The following TMEM114 variants were observed in gnomAD, a reference collection of about 807,000 sequenced individuals.
TMEM114 encodes the protein claudin-26.
In TMEM114, 6 loss-of-function variants were observed where a neutral mutation model predicts 6.2. That is an observed-to-expected ratio of 0.97 (90% CI 0.53 to 1.91). The LOEUF (loss-of-function observed/expected upper bound fraction) is 1.91, where lower values mean the gene tolerates loss of function less well. Ranked by LOEUF, TMEM114 falls within the 40% of genes most tolerant of loss-of-function variation. TMEM114 has a pLI of 0.01. For missense variants in TMEM114, 218 were observed against 158.3 expected, an observed-to-expected ratio of 1.38 and a Z score of -2.02; for synonymous variants, 104 against 73.0, an observed-to-expected ratio of 1.42 and a Z score of -2.16.
In TMEM114 at chr16:8,559,880, G is replaced by C. The variant is rs1596476272; in HGVS notation, n.213-22054C>G. ...CCATGGGGCTCTTTAGACCCCAAAG[G>C]TGAGAAGTCGGGAGCCTGGGGTGGC... On this transcript the variant is annotated intron_variant and non_coding_transcript_variant, in intron 2 of 2. Coordinates refer to the TMEM114 transcript ENST00000623677. 2.6e-5 allele frequency among the ~76,000 whole-genome samples: 4 copies of C among 152,186 alleles called. 1 individual carries two copies. The South Asian group carries it at 8.3e-4, about 32-fold the overall frequency.
Position 8,573,572 on chromosome 16 carries a change from A to T in TMEM114, c.302-1348T>A, listed in dbSNP as rs180956532. ...CAAAGAAAAAAGGGAAACAAGTGCAAAGTTTTTTTTTTATCCATCCTTCAT... is the reference window on the plus strand; with the variant it reads ...CAAAGAAAAAAGGGAAACAAGTGCATAGTTTTTTTTTTATCCATCCTTCAT... On this transcript the variant is annotated intron_variant, in intron 2 of 3. Transcript: ENST00000620492. Among the ~76,000 whole-genome samples the T allele has an allele frequency of 2.7e-4, 41 of 149,762 alleles. No homozygotes were observed. The East Asian group carries it at 7.8e-3, about 28-fold the overall frequency.
chr16:8,549,009 C>CAGCTCTACTAAAAATA (rs1900758712), intron 2 of TMEM114, among the ~76,000 whole-genome samples: 1 of 151,710 alleles, frequency 6.6e-6, no homozygotes, highest in Non-Finnish European at 1.5e-5. Flanking sequence ...AGTGAAACTC[C>CAGCTCTACTAAAAATA]AGCTCTACTA....
chr16:8,530,919 G>C, the TMEM114 span, among the ~76,000 whole-genome samples: 1 of 152,104 alleles, frequency 6.6e-6, no homozygotes, highest in Non-Finnish European at 1.5e-5. Context: ...CAGCTACTCA[G>C]TAGGCTGAGG....
At chr16:8,558,818 G>C (rs1420767485) in intron 2 of TMEM114, among the ~76,000 whole-genome samples, 1 of 150,430 alleles carries the variant, frequency 6.6e-6, no homozygotes, top group Admixed American at 6.6e-5. Context: ...TCGGCTCACT[G>C]CAACCCCTGC....
chr16:8,572,213 T>A lies in TMEM114; in HGVS notation c.313A>T (p.Thr105Ser), dbSNP rs1026228363. The change falls in exon 3 of 4, where the codon ACA becomes TCA. Residue 105 changes from threonine to serine, a missense_variant. Coordinates refer to ENST00000620492, the MANE Select transcript of TMEM114 (RefSeq NM_001146336.2). The stretch of plus-strand genomic sequence containing the variant: ...CTGAGCGGCAGCAGAATCACAAATG[T>A]CCCATGCATGGCTTAGAAGAGACAG... ...SSRQLLTMHGTFVILLPLSLI... is the reference protein window; with the variant it reads ...SSRQLLTMHGSFVILLPLSLI... The A allele has an allele frequency of 6.4e-7, 1 of 1,551,484 alleles. No homozygotes were observed. The highest frequency in any genetic ancestry group is 1.4e-5 in the African/African-American group (1 of 72,988).
chr16:8,581,535 C>A (rs1902148681), intron 2 of TMEM114, among the ~76,000 whole-genome samples: 1 of 151,546 alleles, frequency 6.6e-6, no homozygotes, highest in African/African-American at 2.4e-5. Flanking sequence ...CCCACTGAAA[C>A]CTCTGCCTCT....
At chr16:8,552,106 G>A (rs1006615559) in intron 2 of TMEM114, among the ~76,000 whole-genome samples, 5 of 151,978 alleles carry the variant, frequency 3.3e-5, no homozygotes, top group Non-Finnish European at 4.4e-5. Context: ...CAGGCACAGC[G>A]GCTCACACCT....
intron 2 of TMEM114, among the ~76,000 whole-genome samples, chr16:8,557,187 A>T (rs1018314623): frequency 2.0e-5 from 3 of 152,104 alleles, no homozygotes; most frequent in Non-Finnish European, 4.4e-5. Flanking sequence ...CCTCCTTGTG[A>T]ATCAGAACAG....
intron 2 of TMEM114, among the ~76,000 whole-genome samples, chr16:8,544,212 C>G (rs542536683): frequency 1.3e-5 from 2 of 152,314 alleles, no homozygotes; most frequent in Admixed American, 1.3e-4. Flanking sequence ...TATGCAAGCC[C>G]TCTCATGCTG....
intron 2 of TMEM114, among the ~76,000 whole-genome samples, chr16:8,541,151 A>G (rs1464074923): frequency 1.3e-5 from 2 of 152,172 alleles, no homozygotes; most frequent in Middle Eastern, 3.2e-3. Context: ...GGCATATTAT[A>G]TCATATCGTC....
chr16:8,527,401 T>G, the TMEM114 span, among the ~76,000 whole-genome samples: 1 of 152,194 alleles, frequency 6.6e-6, no homozygotes, highest in Non-Finnish European at 1.5e-5. Flanking sequence ...GTCTGTGTGC[T>G]TTGAGGCTCA....
In TMEM114 at chr16:8,569,548, C is replaced by G; in HGVS notation, c.*225G>C. 1.4e-6 allele frequency: 2 copies of G among 1,410,234 alleles called. No homozygotes were observed. The highest frequency in any genetic ancestry group is 1.8e-6 in the Non-Finnish European group (2 of 1,085,176). 87.4% of individuals were successfully genotyped at this position (1,410,234 alleles called of 1,614,324 possible). A position where few individuals can be genotyped will look rare whatever the true frequency, so the allele number is the denominator to read the frequency against. On this transcript the variant is annotated 3_prime_UTR_variant, in exon 4 of 4. Coordinates refer to ENST00000620492, the MANE Select transcript of TMEM114 (RefSeq NM_001146336.2). The stretch of plus-strand genomic sequence containing the variant: ...TTCTCGCGAAGCGGTTTGGCACTCC[C>G]TCGGGCTCCTCCAGGCCACACGGAC...
intron 2 of TMEM114, among the ~76,000 whole-genome samples, chr16:8,547,619 C>T (rs933645959): frequency 9.9e-5 from 15 of 152,102 alleles, no homozygotes; most frequent in African/African-American, 3.6e-4. Flanking sequence ...TCTTGAACTC[C>T]TGACCTTGTG....
At chr16:8,532,707 G>A (rs1423958032), downstream of TMEM114, among the ~76,000 whole-genome samples, 3 of 152,052 alleles carry the variant, frequency 2.0e-5, no homozygotes, top group Admixed American at 6.6e-5. Context: ...GGCGACTCAC[G>A]AGGTCAGGAG....
At chr16:8,535,543 C>A (rs2141643013), downstream of TMEM114, among the ~76,000 whole-genome samples, 1 of 151,930 alleles carries the variant, frequency 6.6e-6, no homozygotes, top group South Asian at 2.1e-4. Context: ...AATACATTTG[C>A]CAAGTATTAA....
chr16:8,540,748 G>A (rs1900494077), intron 2 of TMEM114, among the ~76,000 whole-genome samples: 1 of 152,214 alleles, frequency 6.6e-6, no homozygotes. Context: ...ACTGGTGGGA[G>A]AGATGGACAT....
the TMEM114 span, among the ~76,000 whole-genome samples, chr16:8,528,243 TGC>T: frequency 0.58 from 87,490 of 151,116 alleles, 25,285 homozygotes; most frequent in South Asian, 0.62. Flanking sequence ...TCACCCAAAA[TGC>T]GCACACACAC....
chr16:8,585,839 C>T (rs1394566018), intron 2 of TMEM114, among the ~76,000 whole-genome samples: 1 of 152,144 alleles, frequency 6.6e-6, no homozygotes, highest in Admixed American at 6.5e-5. Flanking sequence ...TGACAATTAT[C>T]CTCATTTTGC....
chr16:8,557,137 G>A (rs6501160), intron 2 of TMEM114, among the ~76,000 whole-genome samples: 54,885 of 151,934 alleles, frequency 0.36, 10,614 homozygotes, highest in African/African-American at 0.5. Context: ...GTTAGAATAT[G>A]ACCTTGATAC....
Sources: gnomAD v4.1 joint callset for allele counts (sites outside exome capture counted in the v4.1 genomes callset) on GRCh38, gnomAD v4.1.1 for gene constraint, MANE v1.5 for transcripts, NCBI Gene and HGNC (gene_info 2026-07-23, HGNC 2026-07-21) for gene names.